SPAG17: variants seen among roughly 807,000 people sequenced by gnomAD.
SPAG17 encodes the protein sperm associated antigen 17, also known as sperm-associated antigen 17.
Under a neutral mutation model 273.6 loss-of-function variants are expected in SPAG17, and 169 were observed. The observed-to-expected ratio is 0.62, with a 90% confidence interval of 0.55 to 0.70. The LOEUF (loss-of-function observed/expected upper bound fraction) is 0.70. Among genes scored for constraint, SPAG17 ranks in the 30% least tolerant of loss-of-function variants. The pLI, the probability that SPAG17 is intolerant of heterozygous loss-of-function variation, is 0.00. For synonymous variants in SPAG17, 825 were observed against 873.2 expected, an observed-to-expected ratio of 0.94 and a Z score of 0.97; for missense variants, 2,557 against 2,627.8, an observed-to-expected ratio of 0.97 and a Z score of 0.59.
In SPAG17 at chr1:118,016,185, G is replaced by A. The variant is rs375919029; in HGVS notation, c.4070-3C>T. On this transcript the variant is annotated splice_region_variant and splice_polypyrimidine_tract_variant and intron_variant, in intron 28 of 48. Coordinates refer to ENST00000336338, the MANE Select transcript of SPAG17 (RefSeq NM_206996.4). ...TGACTGACTTTTGTGACTTTTTCCT[G>A]TGAAGTTCAAGTAAAATCAAACAAC... The A allele has an allele frequency of 6.2e-7, 1 of 1,609,844 alleles. No homozygotes were observed. Among genetic ancestry groups the A allele is most frequent in the Non-Finnish European group, 8.5e-7 (1 of 1,176,824 alleles).
Position 117,953,984 on chromosome 1 carries a change from C to T in SPAG17, c.*66G>A. 2 of 1,593,816 alleles carry T rather than the reference C, an allele frequency of 1.3e-6. No individual in the cohort carries two copies. The highest frequency in any genetic ancestry group is 1.7e-6 in the Non-Finnish European group (2 of 1,169,100). The stretch of plus-strand genomic sequence containing the variant: ...ATGATGGAGTATGTTGTGATGACTT[C>T]TTTCCTTTCTCATCCTCTGTAGGCT... On this transcript the variant is annotated 3_prime_UTR_variant, in exon 49 of 49. Transcript: ENST00000336338.
In SPAG17 at chr1:118,031,699, T is replaced by A. The variant is rs142097686; in HGVS notation, c.3602A>T (p.Glu1201Val). Residue 1201 changes from glutamate (E) to valine (V), a missense_variant, in exon 25 of 49, where the codon GAG (glutamate) becomes GTG (valine). Glu to Val is a moderately radical substitution (Grantham distance 121). Coordinates refer to ENST00000336338, the MANE Select transcript of SPAG17 (RefSeq NM_206996.4). ...LKEEEHPKEE[E>V]KKEEEVEPEP... Reference sequence around the variant, plus strand: ...ATGGCAAGGTTCATTTACCTTTTTCTCTTCTTCTTTTGGGTGTTCTTCTTC... The same window carrying A: ...ATGGCAAGGTTCATTTACCTTTTTCACTTCTTCTTTTGGGTGTTCTTCTTC... 2.2e-4 allele frequency: 357 copies of A among 1,612,680 alleles called. 2 individuals carry two copies. The African/African-American group carries it at 4.2e-3, about 19-fold the overall frequency.
chr1:118,081,058 TAC>T (rs56768861), intron 15 of SPAG17, 41 bp downstream of exon 15: 39,222 of 1,173,316 alleles, frequency 0.033, 103 homozygotes, highest in East Asian at 0.13. Context: ...AATAGTGTCT[TAC>T]ACACACACAC....
At chr1:117,993,087 C>T (rs1412009662) in intron 35 of SPAG17, among the ~76,000 whole-genome samples, 1 of 152,150 alleles carries the variant, frequency 6.6e-6, no homozygotes, top group African/African-American at 2.4e-5. Flanking sequence ...TAGATCTGGG[C>T]CATCTTTGAG....
intron 32 of SPAG17, among the ~76,000 whole-genome samples, chr1:118,001,040 G>A (rs1658225595): frequency 6.6e-6 from 1 of 152,174 alleles, no homozygotes; most frequent in African/African-American, 2.4e-5. Flanking sequence ...AAGTGCTGTT[G>A]AATTTTGTTG....
intron 12 of SPAG17, 107 bp from the exon 13 acceptor site, chr1:118,086,179 CAG>C (rs1424096836): frequency 1.9e-6 from 2 of 1,065,162 alleles, no homozygotes; most frequent in Non-Finnish European, 2.7e-6. Flanking sequence ...TATTTGGGAA[CAG>C]GGGAAATCAA....
At chr1:117,957,106 A>G (rs765789595) in intron 48 of SPAG17, 3 of 1,608,244 alleles carry the variant, frequency 1.9e-6, no homozygotes, top group Non-Finnish European at 8.5e-7. Flanking sequence ...CCTTTCTCTT[A>G]TGTCCCAGAC....
At chr1:118,097,567 G>T in intron 7 of SPAG17, 103 bp downstream of exon 7, 2 of 861,238 alleles carry the variant, frequency 2.3e-6, no homozygotes, top group East Asian at 2.9e-5. Flanking sequence ...TCAATGCCTT[G>T]TAATCAGCGC....
chr1:118,009,346 G>A (rs1659234532), intron 30 of SPAG17, among the ~76,000 whole-genome samples: 1 of 150,380 alleles, frequency 6.6e-6, no homozygotes, highest in African/African-American at 2.5e-5. Flanking sequence ...TATGTATATG[G>A]ATATCAAAAT....
intron 32 of SPAG17, among the ~76,000 whole-genome samples, chr1:118,003,488 T>C (rs1658539067): frequency 6.6e-6 from 1 of 152,260 alleles, no homozygotes; most frequent in Non-Finnish European, 1.5e-5. Context: ...TCTTTTCACA[T>C]AGTCCTGTAT....
chr1:117,996,332 A>T, intron 34 of SPAG17, 38 bp downstream of exon 34: 1 of 1,569,458 alleles, frequency 6.4e-7, no homozygotes, highest in Non-Finnish European at 8.6e-7. Context: ...GAATTGGCAA[A>T]GAGACACCGT....
chr1:118,042,217 T>C (rs1397821746), intron 20 of SPAG17, among the ~76,000 whole-genome samples, 175 bp from the exon 21 acceptor site: 1 of 152,174 alleles, frequency 6.6e-6, no homozygotes, highest in Non-Finnish European at 1.5e-5. Context: ...ACTCAACTTC[T>C]GTCTGCTAAA....
intron 3 of SPAG17, among the ~76,000 whole-genome samples, chr1:118,124,724 G>A (rs1311430092): frequency 6.6e-6 from 1 of 152,208 alleles, no homozygotes; most frequent in African/African-American, 2.4e-5. Flanking sequence ...CTTTTGAGGT[G>A]AGTATTCCTA....
chr1:118,077,411 C>T (rs1226929294), intron 15 of SPAG17, among the ~76,000 whole-genome samples: 1 of 152,048 alleles, frequency 6.6e-6, no homozygotes, highest in Non-Finnish European at 1.5e-5. Context: ...ATTTTCAACC[C>T]TGAGAATTTA....
At chr1:117,987,755 G>T in intron 40 of SPAG17, 79 bp downstream of exon 40, 1 of 1,425,224 alleles carries the variant, frequency 7.0e-7, no homozygotes, top group Non-Finnish European at 9.8e-7. Context: ...TGCCTGGCAG[G>T]ACATTTTGGC....
At chr1:118,008,256 C>A in intron 30 of SPAG17, 58 bp from the exon 31 acceptor site, 1 of 1,578,800 alleles carries the variant, frequency 6.3e-7, no homozygotes, top group South Asian at 1.1e-5. Flanking sequence ...CAAAACAGAC[C>A]TCAGCCTATT....
intron 10 of SPAG17, among the ~76,000 whole-genome samples, chr1:118,090,443 T>C (rs1484233393): frequency 6.6e-6 from 1 of 152,082 alleles, no homozygotes; most frequent in African/African-American, 2.4e-5. Context: ...TAGAATTGAA[T>C]ACACTGAAAG....
Position 117,966,654 on chromosome 1 carries a change from C to T in SPAG17, c.6487G>A (p.Glu2163Lys). ...KGSAHISHNIEIMTEHEVLFL... is the reference protein window; with the variant it reads ...KGSAHISHNIKIMTEHEVLFL... The stretch of plus-strand genomic sequence containing the variant: ...AGAACCTCATGCTCTGTCATAATCT[C>T]GATATTGTGAGAGATGTGTGCTGAT... The change falls in exon 47 of 49, where the codon GAG (glutamate) becomes AAG (lysine). Residue 2163 changes from glutamate to lysine, a missense_variant. Coordinates refer to ENST00000336338, the MANE Select transcript of SPAG17 (RefSeq NM_206996.4). The T allele has an allele frequency of 1.2e-5, 20 of 1,613,796 alleles. No homozygotes were observed. Among genetic ancestry groups the T allele is most frequent in the Non-Finnish European group, 1.7e-5 (20 of 1,179,896 alleles).
At chr1:118,033,276 A>AATT (rs1648694824) in intron 24 of SPAG17, among the ~76,000 whole-genome samples, 1 of 152,080 alleles carries the variant, frequency 6.6e-6, no homozygotes, top group Non-Finnish European at 1.5e-5. Flanking sequence ...TTCAAACTCA[A>AATT]TTAAGTCTCT....
Sources: allele counts gnomAD v4.1 joint callset (sites outside exome capture counted in the v4.1 genomes callset), GRCh38; gene constraint gnomAD v4.1.1; transcripts MANE v1.5; gene names NCBI Gene and HGNC (gene_info 2026-07-23, HGNC 2026-07-21).